The following PRKN variants were observed in gnomAD, a reference collection of about 807,000 sequenced individuals.
The protein encoded by PRKN is E3 ubiquitin-protein ligase parkin.
A neutral mutation model predicts 59.5 loss-of-function variants in PRKN; 56 were observed. The ratio of observed to expected loss-of-function variants is 0.94; its 90% confidence interval spans 0.76 to 1.18. The LOEUF (loss-of-function observed/expected upper bound fraction) is 1.18, where lower values mean the gene tolerates loss of function less well. Ranked by LOEUF, PRKN falls within the 50% of genes most tolerant of loss-of-function variation. The pLI is 0.00. For missense variants in PRKN, 657 were observed against 596.4 expected, an observed-to-expected ratio of 1.10 and a Z score of -1.06; for synonymous variants, 250 against 222.1, an observed-to-expected ratio of 1.13 and a Z score of -1.12.
rs190403317 is a variant in PRKN, at chr6:161,456,123, A to G, written c.1084-69246T>C. On this transcript the variant is annotated intron_variant, in intron 9 of 11. Transcript: ENST00000366898. The surrounding 1 kb of genome is among the most constrained non-coding windows in gnomAD (Gnocchi z 4.8). ...TTGATTGGATTGAAGGACGCAAAGT[A>G]TTGTTCCTGGGTGTGTCTGTGAGGG... 6.6e-6 allele frequency among the ~76,000 whole-genome samples: 1 copy of G among 152,222 alleles called. No homozygotes were observed. Among genetic ancestry groups the G allele is most frequent in the African/African-American group, 2.4e-5 (1 of 41,554 alleles).
At chr6:162,694,333 T>C (rs1777894642) in intron 1 of PRKN, among the ~76,000 whole-genome samples, 2 of 150,406 alleles carry the variant, frequency 1.3e-5, no homozygotes, top group African/African-American at 5.0e-5. Context: ...GCTTCTCTCA[T>C]TCTACATGGC....
intron 5 of PRKN, among the ~76,000 whole-genome samples, chr6:162,011,706 AG>A (rs1411251943): frequency 2.7e-5 from 4 of 150,416 alleles, no homozygotes; most frequent in African/African-American, 7.3e-5. Context: ...TGTATTTCAG[AG>A]GGTCACTCTG....
chr6:162,617,758 AT>A (rs34324063), intron 1 of PRKN, among the ~76,000 whole-genome samples: 10 of 151,234 alleles, frequency 6.6e-5, no homozygotes, highest in East Asian at 1.9e-4. Context: ...CTGAAAAATA[AT>A]TTTTTTTTGT....
At chr6:161,762,665 T>C (rs1789251226) in intron 7 of PRKN, among the ~76,000 whole-genome samples, 1 of 152,200 alleles carries the variant, frequency 6.6e-6, no homozygotes, top group South Asian at 2.1e-4. Context: ...CATGTGAAGT[T>C]TGGCACACAA....
In PRKN at chr6:162,679,113, A is replaced by ATTTATTTATTTATTT. The variant is rs376603751; in HGVS notation, c.7+48548_7+48549insAAATAAATAAATAAA. 1.6e-3 allele frequency among the ~76,000 whole-genome samples: 73 copies of ATTTATTTATTTATTT among 45,704 alleles called. No homozygotes were observed. The East Asian group carries it at 0.016, about 10-fold the overall frequency. 30.0% of individuals were successfully genotyped at this position (45,704 alleles called of 152,430 possible). A position where few individuals can be genotyped will look rare whatever the true frequency, so the allele number is the denominator to read the frequency against. On this transcript the variant is annotated intron_variant, in intron 1 of 11. Transcript: ENST00000366898. ...TTATTTATTTATTTATTTATTTATG[A>ATTTATTTATTTATTT]ATGAATGAGACAGTTTCGCCCTGTT... is the stretch of plus-strand genomic sequence containing the variant.
chr6:162,704,792 C>A (rs1008102771), intron 1 of PRKN, among the ~76,000 whole-genome samples: 1 of 152,112 alleles, frequency 6.6e-6, no homozygotes, highest in African/African-American at 2.4e-5. Flanking sequence ...CTCTAACACA[C>A]AGCAGGTGTG....
intron 1 of PRKN, among the ~76,000 whole-genome samples, chr6:162,452,285 A>G (rs2128171394): frequency 6.6e-6 from 1 of 152,304 alleles, no homozygotes; most frequent in East Asian, 1.9e-4. Context: ...ATGGTACAAG[A>G]CAGAGATTCA....
At chr6:162,725,476 G>A (rs1167440377) in intron 1 of PRKN, among the ~76,000 whole-genome samples, 6 of 152,128 alleles carry the variant, frequency 3.9e-5, no homozygotes, top group Non-Finnish European at 1.5e-5. Flanking sequence ...TGTGGCTAAT[G>A]AGGCTGGGCG....
In PRKN at chr6:161,361,760, C is replaced by T. The variant is rs139341081; in HGVS notation, c.1168-1555G>A. On this transcript the variant is annotated intron_variant, in intron 10 of 11. Transcript: ENST00000366898. This position sits in a 1 kb window ranked among gnomAD's most constrained non-coding sequence, Gnocchi z 5.2. ...ATTTGTGAATACTTTGCTAGAATAA[C>T]GTGGAGTCAGCTGCTCGGAGGCAAC... 1.3e-5 allele frequency among the ~76,000 whole-genome samples: 2 copies of T among 152,200 alleles called. No individual in the cohort carries two copies. Among genetic ancestry groups the T allele is most frequent in the South Asian group, 2.1e-4 (1 of 4,824 alleles).
intron 7 of PRKN, among the ~76,000 whole-genome samples, chr6:161,603,629 TTCTC>T (rs369179296): frequency 4.6e-5 from 7 of 152,342 alleles, no homozygotes; most frequent in East Asian, 1.9e-4. Context: ...GACTTTTATC[TTCTC>T]TCTAACTCTT....
At chr6:162,429,612 G>A (rs564710550) in intron 2 of PRKN, among the ~76,000 whole-genome samples, 27 of 152,138 alleles carry the variant, frequency 1.8e-4, no homozygotes, top group African/African-American at 5.1e-4. Flanking sequence ...TAAGTGGCCC[G>A]CCACCTGCCC....
chr6:161,712,398 T>C (rs1436775472), intron 7 of PRKN, among the ~76,000 whole-genome samples: 4 of 152,192 alleles, frequency 2.6e-5, no homozygotes, highest in Non-Finnish European at 5.9e-5. Context: ...ATACATTCCG[T>C]ATCTTAGCTC....
At chr6:161,706,617 C>G (rs890936658) in intron 7 of PRKN, among the ~76,000 whole-genome samples, 1 of 152,182 alleles carries the variant, frequency 6.6e-6, no homozygotes, top group East Asian at 1.9e-4. Flanking sequence ...CAGTCTCTCT[C>G]TGTCACGCAG....
chr6:162,637,126 G>A (rs537752047), intron 1 of PRKN, among the ~76,000 whole-genome samples: 3 of 151,902 alleles, frequency 2.0e-5, no homozygotes, highest in Admixed American at 6.6e-5. Flanking sequence ...GCGTGGTGGC[G>A]GGTGCCTATA....
chr6:162,333,086 CCT>C (rs1288066748), intron 2 of PRKN, among the ~76,000 whole-genome samples: 1 of 151,966 alleles, frequency 6.6e-6, no homozygotes, highest in Non-Finnish European at 1.5e-5. Context: ...AATATTTTGC[CCT>C]GTTACTATAC....
intron 2 of PRKN, among the ~76,000 whole-genome samples, chr6:162,437,489 T>C (rs1390850166): frequency 1.3e-5 from 2 of 152,154 alleles, no homozygotes; most frequent in Admixed American, 6.5e-5. Flanking sequence ...ACGTTATAAT[T>C]GTACTATAAG....
chr6:162,319,580 T>C (rs1252913987), intron 2 of PRKN, among the ~76,000 whole-genome samples: 5 of 152,008 alleles, frequency 3.3e-5, no homozygotes, highest in African/African-American at 9.7e-5. Flanking sequence ...TTAGGCACAA[T>C]ACAAGTGCGT....
At chr6:162,084,537 G>A (rs1213928653) in intron 4 of PRKN, among the ~76,000 whole-genome samples, 2 of 151,990 alleles carry the variant, frequency 1.3e-5, no homozygotes, top group Non-Finnish European at 2.9e-5. Context: ...GGACTTATAG[G>A]AGTCTTCAAA....
At chr6:161,768,298 A>C (rs1789514706) in intron 7 of PRKN, among the ~76,000 whole-genome samples, 1 of 152,220 alleles carries the variant, frequency 6.6e-6, no homozygotes, top group African/African-American at 2.4e-5. Context: ...GTAGGAAAGT[A>C]TTATTTTGTG....
Sources: allele counts gnomAD v4.1 joint callset (sites outside exome capture counted in the v4.1 genomes callset), GRCh38; gene constraint gnomAD v4.1.1; non-coding constraint Gnocchi (gnomAD v3.1); transcripts MANE v1.5; gene names NCBI Gene and HGNC (gene_info 2026-07-23, HGNC 2026-07-21).